Variants in COBL observed in about 807,000 individuals in gnomAD.
The protein encoded by COBL is protein cordon-bleu.
Under a neutral mutation model 98.8 loss-of-function variants are expected in COBL, and 51 were observed. That is an observed-to-expected ratio of 0.52 (90% confidence interval 0.41 to 0.65). The LOEUF (loss-of-function observed/expected upper bound fraction) is 0.65. COBL is among the 30% of genes least tolerant of loss of function. The pLI, the probability that COBL is intolerant of heterozygous loss-of-function variation, is 0.00. For synonymous variants in COBL, 634 were observed against 651.7 expected, an observed-to-expected ratio of 0.97 and a Z score of 0.41; for missense variants, 1,617 against 1,617.5, an observed-to-expected ratio of 1.00 and a Z score of 0.01.
chr7:51,231,248 C>T (rs1167345936), intron 1 of COBL, among the ~76,000 whole-genome samples: 3 of 152,192 alleles, frequency 2.0e-5, no homozygotes, highest in African/African-American at 7.2e-5. Context: ...TCTGTTCTTA[C>T]CTATTTGCTC....
At chr7:51,048,792 T>C (rs1182636434) in intron 7 of COBL, among the ~76,000 whole-genome samples, 1 of 152,222 alleles carries the variant, frequency 6.6e-6, no homozygotes, top group Non-Finnish European at 1.5e-5. Context: ...TACATAAATG[T>C]TCTTAGAAAC....
intron 6 of COBL, among the ~76,000 whole-genome samples, chr7:51,111,650 A>C (rs1457691809): frequency 2.0e-5 from 3 of 151,914 alleles, no homozygotes; most frequent in African/African-American, 7.3e-5. Context: ...TGTCACAGAA[A>C]AGAAACAGCT....
chr7:51,312,893 G>C (rs920978214), intron 1 of COBL, among the ~76,000 whole-genome samples: 24 of 152,068 alleles, frequency 1.6e-4, no homozygotes, highest in African/African-American at 5.8e-4. Context: ...TAGAACCACT[G>C]AGAAATAATA....
At position 51,215,428 on chromosome 7, in the gene COBL, C is replaced by A. The variant is rs377414621; in HGVS notation, c.245+4313G>T. ...CCACACAAATAAAGCCTTAATGAGG[C>A]AGAAACATCACAGGGAGGTTGGGAA... On this transcript the variant is annotated intron_variant, in intron 2 of 12. Coordinates refer to ENST00000265136, the MANE Select transcript of COBL (RefSeq NM_015198.5). Among the ~76,000 whole-genome samples the A allele has an allele frequency of 2.6e-5, 4 of 152,220 alleles. No individual in the cohort carries two copies. In the East Asian group the frequency reaches 7.7e-4, roughly 29 times the overall value.
At chr7:51,083,622 T>C (rs1318755835) in intron 7 of COBL, among the ~76,000 whole-genome samples, 1 of 152,204 alleles carries the variant, frequency 6.6e-6, no homozygotes, top group African/African-American at 2.4e-5. Context: ...CACAGATCTG[T>C]TTTTAGCCTA....
At chr7:51,264,429 G>C (rs560066178) in intron 1 of COBL, among the ~76,000 whole-genome samples, 1 of 152,222 alleles carries the variant, frequency 6.6e-6, no homozygotes, top group East Asian at 1.9e-4. Context: ...CTACCAATTT[G>C]GGAGGTCAAC....
At chr7:51,316,557 C>G in intron 1 of COBL, 36 bp downstream of exon 1, 1 of 1,207,388 alleles carries the variant, frequency 8.3e-7, no homozygotes, top group Non-Finnish European at 1.0e-6. Context: ...CCAGGGAAGC[C>G]CCCTCTCCAC....
In COBL at chr7:51,219,844, G is replaced by C. The variant is rs769976124; in HGVS notation, c.142C>G (p.Gln48Glu). The C allele has an allele frequency of 3.5e-5, 56 of 1,613,880 alleles. No homozygotes were observed. In the East Asian group the frequency reaches 1.1e-3, roughly 32 times the overall value. ...TCCTTCATGCGAACCAAGTTCTGCT[G>C]CGACCCGAGGGCCCCATCGTGGGGG... ...KPPHDGALGS[Q>E]QNLVRMKEAL... Residue 48 changes from glutamine to glutamate, a missense_variant, in exon 2 of 13, where the codon CAG becomes GAG. By Grantham distance (29) the Gln-to-Glu change is conservative. This residue lies in a region of COBL where 238 missense variants were observed against 215.0 expected (regional missense o/e 1.11). Coordinates refer to ENST00000265136, the MANE Select transcript of COBL (RefSeq NM_015198.5).
At position 51,207,578 on chromosome 7, in the gene COBL, C is replaced by T. The variant is rs180995076; in HGVS notation, c.245+12163G>A. Among the ~76,000 whole-genome samples the T allele has an allele frequency of 3.8e-3, 574 of 152,222 alleles. 1 individual carries two copies. The highest frequency in any genetic ancestry group is 0.013 in the African/African-American group (542 of 41,488). On this transcript the variant is annotated intron_variant, in intron 2 of 12. Transcript: ENST00000265136. ...CCGAGTGCCTGCGATTGCAGGCAAG[C>T]GCCACCACACCTGACTGGTTTTCGT...
chr7:51,316,170 G>A (rs1008560493), intron 1 of COBL, among the ~76,000 whole-genome samples: 1 of 152,050 alleles, frequency 6.6e-6, no homozygotes, highest in African/African-American at 2.4e-5. Flanking sequence ...GATGGGAACC[G>A]GCCAGGGGCA....
chr7:51,050,326 CA>C (rs1205495284), intron 7 of COBL, among the ~76,000 whole-genome samples: 3 of 152,156 alleles, frequency 2.0e-5, no homozygotes, highest in Non-Finnish European at 2.9e-5. Context: ...AGTCCCTGGG[CA>C]GAGAAAATTC....
intron 5 of COBL, among the ~76,000 whole-genome samples, chr7:51,140,770 T>C (rs2129011383): frequency 6.6e-6 from 1 of 152,302 alleles, no homozygotes; most frequent in East Asian, 1.9e-4. Flanking sequence ...TGCAGGGTGT[T>C]CCTGGAATAC....
At position 51,193,484 on chromosome 7, in the gene COBL, A is replaced by T. The variant is rs1400296511; in HGVS notation, c.351T>A (p.Ser117Arg). 1 of 1,614,074 alleles carries T rather than the reference A, an allele frequency of 6.2e-7. No homozygotes were observed. ...TCCCAATCAAAGTATTTGGCTTAAA[A>T]CTCAAAGGTTGTTGGGTTTCTGAAG... ...IRSSETQQPL[S>R]FKPNTLIGTL... Residue 117 changes from serine (S) to arginine (R), a missense_variant, in exon 3 of 13, where the codon AGT (serine) becomes AGA (arginine). Transcript: ENST00000265136.
At chr7:51,026,770 T>C (rs2086936882) in intron 10 of COBL, 105 bp from the exon 11 acceptor site, 3 of 1,401,960 alleles carry the variant, frequency 2.1e-6, no homozygotes, top group Non-Finnish European at 2.9e-6. Flanking sequence ...CGGTGGCTCA[T>C]GCCTGTAATC....
intron 1 of COBL, among the ~76,000 whole-genome samples, chr7:51,238,088 GC>G (rs1795439538): frequency 6.6e-6 from 1 of 152,252 alleles, no homozygotes; most frequent in Non-Finnish European, 1.5e-5. Flanking sequence ...CAGCCACCAT[GC>G]TGACAGCCAG....
At chr7:51,260,702 G>C (rs1380225183) in intron 1 of COBL, among the ~76,000 whole-genome samples, 2 of 152,232 alleles carry the variant, frequency 1.3e-5, no homozygotes, top group Non-Finnish European at 2.9e-5. Context: ...AGATGGGAAA[G>C]GTTGTGGGAT....
chr7:51,206,511 G>T (rs1451675424), intron 2 of COBL, among the ~76,000 whole-genome samples: 1 of 138,518 alleles, frequency 7.2e-6, no homozygotes, highest in Admixed American at 7.0e-5. Context: ...AAAAAAGAAA[G>T]AAAATGAAAT....
At chr7:51,144,251 C>T (rs927685154) in intron 5 of COBL, among the ~76,000 whole-genome samples, 1 of 152,190 alleles carries the variant, frequency 6.6e-6, no homozygotes, top group African/African-American at 2.4e-5. Flanking sequence ...TATGAACCCA[C>T]TTGACCCTCA....
intron 7 of COBL, among the ~76,000 whole-genome samples, chr7:51,044,538 A>G (rs1207979955): frequency 6.6e-6 from 1 of 152,254 alleles, no homozygotes; most frequent in African/African-American, 2.4e-5. Flanking sequence ...GCCCAGATGT[A>G]TATTAGAGTT....
Sources: gnomAD v4.1 joint callset for allele counts (sites outside exome capture counted in the v4.1 genomes callset) on GRCh38, gnomAD v4.1.1 for gene constraint, gnomAD v4.1.1 regional missense constraint, MANE v1.5 for transcripts, NCBI Gene and HGNC (gene_info 2026-07-23, HGNC 2026-07-21) for gene names.